FUT8: variants seen among roughly 807,000 people sequenced by gnomAD.
FUT8 encodes alpha-(1,6)-fucosyltransferase.
Under a neutral mutation model 71.3 loss-of-function variants are expected in FUT8, and 29 were observed. That is an observed-to-expected ratio of 0.41 (90% CI 0.30 to 0.55). The LOEUF is 0.55. Ranked by LOEUF, FUT8 falls within the 20% of genes least tolerant of loss-of-function variation. FUT8 has a pLI of 0.34. For synonymous variants in FUT8, 254 were observed against 239.3 expected (o/e 1.06, Z -0.57); for missense variants, 544 against 702.1 (o/e 0.77, Z 2.55).
chr14:65,693,099 C>T (rs1428330424), intron 7 of FUT8, among the ~76,000 whole-genome samples: 11 of 152,180 alleles, frequency 7.2e-5, no homozygotes, highest in South Asian at 2.1e-4. Context: ...ACTTCCCAGA[C>T]GGGGTGGCGG....
intron 2 of FUT8, among the ~76,000 whole-genome samples, chr14:65,502,099 C>T (rs902722523): frequency 3.3e-5 from 5 of 151,956 alleles, no homozygotes; most frequent in African/African-American, 7.3e-5. Flanking sequence ...TTTGTAGAGA[C>T]GAGGTTTTGC....
At chr14:65,557,336 C>CTTT (rs561664750) in intron 2 of FUT8, among the ~76,000 whole-genome samples, 2 of 142,712 alleles carry the variant, frequency 1.4e-5, no homozygotes, top group Non-Finnish European at 1.5e-5. Context: ...TCTCTCTCCC[C>CTTT]TTTTTTTTTT....
Position 65,742,654 on chromosome 14 carries a change from C to G in FUT8, c.*244C>G, listed in dbSNP as rs538085848. ...CAATAATGTACTCACATATAACATG[C>G]AAACAGGTTGTTTTCTACTTTGCCC... On this transcript the variant is annotated 3_prime_UTR_variant, in exon 11 of 11. Coordinates refer to ENST00000673929, the MANE Select transcript of FUT8 (RefSeq NM_001371533.1). The G allele has an allele frequency of 2.4e-6, 1 of 420,818 alleles. No homozygotes were observed. The highest frequency in any genetic ancestry group is 2.0e-5 in the African/African-American group (1 of 51,034). 26.1% of individuals were successfully genotyped at this position (420,818 alleles called of 1,614,324 possible). A position where few individuals can be genotyped will look rare whatever the true frequency, so the allele number is the denominator to read the frequency against.
At chr14:65,664,408 G>C (rs1050257250) in intron 6 of FUT8, among the ~76,000 whole-genome samples, 2 of 152,116 alleles carry the variant, frequency 1.3e-5, no homozygotes, top group African/African-American at 4.8e-5. Flanking sequence ...TTAGGAGTCT[G>C]CCATGAGTTC....
In FUT8 at chr14:65,550,316, C is replaced by T. The variant is rs962034442; in HGVS notation, c.-227-11021C>T. The stretch of plus-strand genomic sequence containing the variant: ...ATCATAAGTTGAAAGTATCATGAGT[C>T]GCAATATGTTTAATACACCTAATCT... On this transcript the variant is annotated intron_variant, in intron 2 of 10. Transcript: ENST00000673929. This position sits in a 1 kb window ranked among gnomAD's most constrained non-coding sequence, Gnocchi z 4.5. Among the ~76,000 whole-genome samples, 5 of 152,124 alleles carry T rather than the reference C, an allele frequency of 3.3e-5. No individual in the cohort carries two copies. The highest frequency in any genetic ancestry group is 2.1e-4 in the South Asian group (1 of 4,830).
intron 6 of FUT8, among the ~76,000 whole-genome samples, chr14:65,642,413 G>A (rs10162474): frequency 0.062 from 9,454 of 152,004 alleles, 539 homozygotes; most frequent in African/African-American, 0.15. Flanking sequence ...GACCAGCCTG[G>A]CCAACATGGT....
chr14:65,635,524 C>T (rs1890501260), intron 6 of FUT8, among the ~76,000 whole-genome samples: 1 of 152,086 alleles, frequency 6.6e-6, no homozygotes, highest in Non-Finnish European at 1.5e-5. Flanking sequence ...GCCAATTTTG[C>T]TGAGAATTTT....
chr14:65,440,602 A>G (rs959290704), intron 1 of FUT8, among the ~76,000 whole-genome samples: 1 of 152,072 alleles, frequency 6.6e-6, no homozygotes, highest in Non-Finnish European at 1.5e-5. Context: ...GAAAACATCC[A>G]GTTGTACACA....
At chr14:65,396,498 A>G in the FUT8 span, among the ~76,000 whole-genome samples, 1 of 152,218 alleles carries the variant, frequency 6.6e-6, no homozygotes. The surrounding 1 kb of genome is among the most constrained non-coding windows in gnomAD (Gnocchi z 5.5). Context: ...TTATAAAACC[A>G]TCAGATCTCA....
chr14:65,496,497 G>A (rs2066561524), intron 2 of FUT8, among the ~76,000 whole-genome samples: 2 of 152,044 alleles, frequency 1.3e-5, no homozygotes, highest in South Asian at 4.2e-4. Context: ...ACTGGATCAT[G>A]GGGGTCGTTC....
chr14:65,547,328 G>T (rs752407547), intron 2 of FUT8, among the ~76,000 whole-genome samples: 39 of 151,402 alleles, frequency 2.6e-4, no homozygotes, highest in Non-Finnish European at 4.7e-4. Flanking sequence ...ATAATATAGG[G>T]ACTTTAAAAC....
intron 10 of FUT8, among the ~76,000 whole-genome samples, chr14:65,738,472 CTG>C (rs2139402562): frequency 6.6e-6 from 1 of 152,110 alleles, no homozygotes; most frequent in East Asian, 1.9e-4. Context: ...AGGATTTTTG[CTG>C]TTACCCATTA....
At chr14:65,527,758 C>G (rs1883597266) in intron 2 of FUT8, among the ~76,000 whole-genome samples, 1 of 152,164 alleles carries the variant, frequency 6.6e-6, no homozygotes, top group Admixed American at 6.5e-5. Flanking sequence ...TGTTAGTTTT[C>G]TAACTAACAG....
At chr14:65,431,011 T>A (rs1163262211) in intron 1 of FUT8, among the ~76,000 whole-genome samples, 1 of 148,660 alleles carries the variant, frequency 6.7e-6, no homozygotes, top group Non-Finnish European at 1.5e-5. Context: ...TTTTTTTTTT[T>A]TGAGACAGAG....
chr14:65,608,233 T>TA (rs1190821747), intron 3 of FUT8, among the ~76,000 whole-genome samples: 1 of 151,952 alleles, frequency 6.6e-6, no homozygotes, highest in Admixed American at 6.6e-5. Context: ...TAATTTTTGA[T>TA]ATGTTTTAAA....
chr14:65,715,363 A>G (rs988379047), intron 7 of FUT8, among the ~76,000 whole-genome samples: 5 of 152,170 alleles, frequency 3.3e-5, no homozygotes, highest in Middle Eastern at 3.2e-3. Flanking sequence ...CATTCTGTTG[A>G]TATGATATGT....
At chr14:65,709,888 G>T (rs762990461) in intron 7 of FUT8, among the ~76,000 whole-genome samples, 1 of 152,132 alleles carries the variant, frequency 6.6e-6, no homozygotes, top group Non-Finnish European at 1.5e-5. Flanking sequence ...CTTTGCTTAG[G>T]ACAGGATGGC....
At chr14:65,495,821 G>A (rs2066550240) in intron 2 of FUT8, among the ~76,000 whole-genome samples, 1 of 152,088 alleles carries the variant, frequency 6.6e-6, no homozygotes, top group Non-Finnish European at 1.5e-5. Flanking sequence ...GTAGGGGTAA[G>A]GAGGTATTTT....
chr14:65,412,671 C>G, upstream of FUT8: 1 of 191,262 alleles, frequency 5.2e-6, no homozygotes, highest in Non-Finnish European at 1.1e-5. Context: ...TAGGTGGCAG[C>G]GGCCGGCGCA....
Sources: gnomAD v4.1 joint callset for allele counts (sites outside exome capture counted in the v4.1 genomes callset) on GRCh38, gnomAD v4.1.1 for gene constraint, Gnocchi (gnomAD v3.1) non-coding constraint, MANE v1.5 for transcripts, NCBI Gene and HGNC (gene_info 2026-07-23, HGNC 2026-07-21) for gene names.